The following KLHL5 variants were observed in gnomAD, a reference collection of about 807,000 sequenced individuals.
The protein encoded by KLHL5 is kelch-like protein 5.
Under a neutral mutation model 77.7 loss-of-function variants are expected in KLHL5, and 48 were observed. The ratio of observed to expected loss-of-function variants is 0.62; its 90% CI spans 0.49 to 0.79. The LOEUF (loss-of-function observed/expected upper bound fraction) is 0.79. Among genes scored for constraint, KLHL5 ranks in the 30% least tolerant of loss-of-function variants. The pLI is 0.00. For synonymous variants in KLHL5, 260 were observed against 297.0 expected, an observed-to-expected ratio of 0.88 and a Z score of 1.28; for missense variants, 723 against 859.7, an observed-to-expected ratio of 0.84 and a Z score of 1.99.
In KLHL5 at chr4:39,121,010, GT is replaced by G; in HGVS notation, c.2076del (p.Ala693LeufsTer5). On this transcript the variant is annotated frameshift_variant and splice_region_variant, in exon 11 of 11. Transcript: ENST00000504108. LOFTEE classifies it high-confidence loss of function. ...YDPQTNEWTQ[V>X]APLCLGRAGA... The stretch of plus-strand genomic sequence containing the variant: ...ATACATATCTCTTTTTCCTTTTTAG[GT>G]TGCTCCACTGTGCCTAGGAAGAGCT... The G allele has an allele frequency of 6.2e-7, 1 of 1,611,936 alleles. No individual in the cohort carries two copies. The highest frequency in any genetic ancestry group is 8.5e-7 in the Non-Finnish European group (1 of 1,178,290).
At chr4:39,054,786 G>C (rs547835395) in intron 1 of KLHL5, among the ~76,000 whole-genome samples, 2 of 152,210 alleles carry the variant, frequency 1.3e-5, no homozygotes, top group Non-Finnish European at 2.9e-5. Flanking sequence ...CTCTTCTGCT[G>C]TAAAATGTAC....
intron 1 of KLHL5, among the ~76,000 whole-genome samples, chr4:39,075,758 A>G (rs535433193): frequency 1.3e-5 from 2 of 152,356 alleles, no homozygotes; most frequent in East Asian, 3.9e-4. Flanking sequence ...TTAACAGTTT[A>G]TATTCACTTA....
At chr4:39,088,124 C>A (rs530799308) in intron 5 of KLHL5, among the ~76,000 whole-genome samples, 2 of 152,270 alleles carry the variant, frequency 1.3e-5, no homozygotes, top group South Asian at 4.1e-4. Context: ...TGAAATCAAA[C>A]CGAATTTGAA....
chr4:39,061,928 C>T (rs1190858829), upstream of KLHL5, among the ~76,000 whole-genome samples: 1 of 152,116 alleles, frequency 6.6e-6, no homozygotes, highest in Non-Finnish European at 1.5e-5. Flanking sequence ...TAATTAGATC[C>T]ATTTGTTTTC....
chr4:39,132,439 T>G, the KLHL5 span, among the ~76,000 whole-genome samples: 1 of 151,892 alleles, frequency 6.6e-6, no homozygotes, highest in Non-Finnish European at 1.5e-5. Flanking sequence ...CAAAACTCTG[T>G]CTCTACTAAA....
chr4:39,093,564 TC>T (rs549165042), intron 5 of KLHL5: 5 of 383,340 alleles, frequency 1.3e-5, no homozygotes, highest in Non-Finnish European at 2.5e-5. Context: ...AAGGATACAC[TC>T]TGACCAGAAA....
chr4:39,076,223 T>C, intron 2 of KLHL5, 76 bp downstream of exon 2: 7 of 1,219,938 alleles, frequency 5.7e-6, no homozygotes, highest in African/African-American at 1.5e-5. Flanking sequence ...GGTAACCTAC[T>C]TCAATTGACT....
rs780462425 is a variant in KLHL5, at chr4:39,112,984, A to T, written c.1689-36A>T. 14 of 1,567,270 alleles carry T rather than the reference A, an allele frequency of 8.9e-6. No individual in the cohort carries two copies. In the East Asian group the frequency reaches 2.9e-4, roughly 33 times the overall value. On this transcript the variant is annotated intron_variant, in intron 8 of 10. Coordinates refer to ENST00000504108, the MANE Select transcript of KLHL5 (RefSeq NM_015990.5). ...CTCTTTGTTCTAAGCATAATGGCAC[A>T]TGTCTTATTTATCATTTCATATATT...
intron 5 of KLHL5, among the ~76,000 whole-genome samples, chr4:39,090,995 T>C (rs1219258450): frequency 4.0e-5 from 6 of 149,262 alleles, no homozygotes; most frequent in Non-Finnish European, 8.9e-5. Context: ...ATTTTTTTTT[T>C]TTTTTTTTTT....
intron 10 of KLHL5, among the ~76,000 whole-genome samples, chr4:39,118,059 T>TAAAAAA (rs35309110): frequency 7.9e-6 from 1 of 126,166 alleles, no homozygotes; most frequent in South Asian, 2.6e-4. Context: ...AGACTCCATC[T>TAAAAAA]AAAAAAAAAA....
At chr4:39,085,350 C>G (rs1719949077) in intron 4 of KLHL5, among the ~76,000 whole-genome samples, 1 of 152,114 alleles carries the variant, frequency 6.6e-6, no homozygotes, top group Admixed American at 6.6e-5. Context: ...TAGTACCTCA[C>G]TCAGGTTACC....
chr4:39,124,808 A>AAAAAAAAAAAAAAAAAAAAAAAAAC lies in KLHL5; in HGVS notation c.*3760_*3761insAAAAAACAAAAAAAAAAAAAAAAAA. 1.4e-5 allele frequency among the ~76,000 whole-genome samples: 2 copies of AAAAAAAAAAAAAAAAAAAAAAAAAC among 142,452 alleles called. No homozygotes were observed. Among genetic ancestry groups the AAAAAAAAAAAAAAAAAAAAAAAAAC allele is most frequent in the South Asian group, 2.1e-4 (1 of 4,682 alleles). The allele number at this position is 142,452 out of a possible 152,430, so 93.5% of individuals were successfully genotyped here. On this transcript the variant is annotated 3_prime_UTR_variant, in exon 11 of 11. Coordinates refer to ENST00000504108, the MANE Select transcript of KLHL5 (RefSeq NM_015990.5). ...AAAGCACAAGCAACAACAGCAAAAA[A>AAAAAAAAAAAAAAAAAAAAAAAAAC]AAAAAAAAAAAAAAAAAATCAAAAT... is the stretch of plus-strand genomic sequence containing the variant.
intron 5 of KLHL5, among the ~76,000 whole-genome samples, chr4:39,095,299 T>C (rs1720956079): frequency 6.6e-6 from 1 of 152,164 alleles, no homozygotes; most frequent in South Asian, 2.1e-4. Flanking sequence ...CTGGCAGGAA[T>C]GTTGTGCTCT....
chr4:39,101,617 G>C (rs1721551712), intron 6 of KLHL5, among the ~76,000 whole-genome samples: 1 of 152,038 alleles, frequency 6.6e-6, no homozygotes, highest in Non-Finnish European at 1.5e-5. Context: ...GGAGGCCAAG[G>C]CGGGAGGATC....
chr4:39,102,328 A>G (rs924198642), intron 6 of KLHL5, among the ~76,000 whole-genome samples: 7 of 150,674 alleles, frequency 4.6e-5, no homozygotes, highest in Non-Finnish European at 7.4e-5. Flanking sequence ...TTTTTTAAAC[A>G]TCTGCTCATC....
intron 5 of KLHL5, among the ~76,000 whole-genome samples, chr4:39,092,820 T>C (rs1474528086): frequency 6.6e-6 from 1 of 152,220 alleles, no homozygotes; most frequent in African/African-American, 2.4e-5. Context: ...AACCACATTT[T>C]CCACCTTCCC....
chr4:39,096,717 T>A lies in KLHL5; in HGVS notation c.1139T>A (p.Val380Glu), dbSNP rs1293480412. 6.2e-7 allele frequency: 1 copy of A among 1,612,676 alleles called. No homozygotes were observed. Among genetic ancestry groups the A allele is most frequent in the Non-Finnish European group, 8.5e-7 (1 of 1,178,750 alleles). Reference protein sequence around the residue: ...PQFLADMENNVLFRDDIECQK... With the variant: ...PQFLADMENNELFRDDIECQK... ...TTCCTGGCAGACATGGAAAATAATGTACTTTTTCGGGATGATATAGAATGT... is the reference window on the plus strand; with the variant it reads ...TTCCTGGCAGACATGGAAAATAATGAACTTTTTCGGGATGATATAGAATGT... The change falls in exon 6 of 11, where the codon GTA (valine) becomes GAA (glutamate). Residue 380 changes from valine (V) to glutamate (E), a missense_variant. Physicochemically the swap from Val to Glu is moderately radical, Grantham distance 121 (BLOSUM62 -2). Coordinates refer to ENST00000504108, the MANE Select transcript of KLHL5 (RefSeq NM_015990.5).
At chr4:39,045,465 A>T (rs1716108901) in intron 1 of KLHL5, among the ~76,000 whole-genome samples, 1 of 151,968 alleles carries the variant, frequency 6.6e-6, no homozygotes, top group African/African-American at 2.4e-5. Context: ...CCCTGCCAAT[A>T]AAACAAACTG....
downstream of KLHL5, among the ~76,000 whole-genome samples, chr4:39,129,269 A>G (rs1723708032): frequency 6.7e-6 from 1 of 149,988 alleles, no homozygotes; most frequent in African/African-American, 2.5e-5. The surrounding 1 kb of genome is among the most constrained non-coding windows in gnomAD (Gnocchi z 4.2). Flanking sequence ...GTGCAGTGGC[A>G]CAATCTCGGC....
Sources: allele counts gnomAD v4.1 joint callset (sites outside exome capture counted in the v4.1 genomes callset), GRCh38; gene constraint gnomAD v4.1.1; non-coding constraint Gnocchi (gnomAD v3.1); transcripts MANE v1.5; gene names NCBI Gene and HGNC (gene_info 2026-07-23, HGNC 2026-07-21).